The following CIITA variants were observed in gnomAD, a reference collection of about 807,000 sequenced individuals.
CIITA encodes MHC class II transactivator.
Under a neutral mutation model 115.1 loss-of-function variants are expected in CIITA, and 72 were observed. The observed-to-expected ratio is 0.63, with a 90% confidence interval of 0.52 to 0.76. The LOEUF is 0.76. Among genes scored for constraint, CIITA ranks in the 30% least tolerant of loss-of-function variants. CIITA has a pLI of 0.00. For missense variants in CIITA, 1,617 were observed against 1,463.8 expected, an observed-to-expected ratio of 1.10 and a Z score of -1.71; for synonymous variants, 763 against 635.6, an observed-to-expected ratio of 1.20 and a Z score of -3.02.
At chr16:10,894,923 G>A (rs1170600053) in intron 1 of CIITA, among the ~76,000 whole-genome samples, 1 of 152,188 alleles carries the variant, frequency 6.6e-6, no homozygotes, top group Non-Finnish European at 1.5e-5. Context: ...AGTATTAAAT[G>A]TGCCAGCTCA....
Position 10,935,896 on chromosome 16 carries a change from A to G in CIITA, c.*12041A>G, listed in dbSNP as rs1475009822. 1 of 152,222 alleles carries G rather than the reference A, an allele frequency of 6.6e-6. No individual in the cohort carries two copies. Among genetic ancestry groups the G allele is most frequent in the Non-Finnish European group, 1.5e-5 (1 of 68,052 alleles). The allele number at this position is 152,222 out of a possible 1,614,324, so 9.4% of individuals were successfully genotyped here. ...AGACTGAAGAGCTGATCCAGACTGA[A>G]GAAGGCTCGAGATTAATGCAAAAGC... On this transcript the variant is annotated 3_prime_UTR_variant, in exon 20 of 20. Coordinates refer to ENST00000324288, the MANE Select transcript of CIITA (RefSeq NM_000246.4).
rs764858917 is a variant in CIITA, at chr16:10,904,803, A to G, written c.997A>G (p.Lys333Glu). The change falls in exon 10 of 20, where the codon AAA becomes GAA. Residue 333 changes from lysine (K) to glutamate (E), a missense_variant. Lys to Glu is a moderately conservative substitution (Grantham distance 56). Transcript: ENST00000324288. Reference sequence around the variant, plus strand: ...TGGAGAGGTCTCCAACAAGCTTCCAAAATGGCCTGGTGAGTGATGCGGGAT... The same window carrying G: ...TGGAGAGGTCTCCAACAAGCTTCCAGAATGGCCTGGTGAGTGATGCGGGAT... ...AAGEVSNKLPKWPEPVEQFYR... is the reference protein window; with the variant it reads ...AAGEVSNKLPEWPEPVEQFYR... 4 of 1,614,036 alleles carry G rather than the reference A, an allele frequency of 2.5e-6. No individual in the cohort carries two copies. The African/African-American group carries it at 4.0e-5, about 16-fold the overall frequency.
chr16:10,893,316 G>A (rs560579967), intron 1 of CIITA, among the ~76,000 whole-genome samples: 14 of 152,130 alleles, frequency 9.2e-5, no homozygotes, highest in Non-Finnish European at 2.9e-5. Flanking sequence ...ATGGAAACAT[G>A]GACCTGAACC....
At chr16:10,916,493 C>T (rs374351290) in intron 15 of CIITA, 34 bp downstream of exon 15, 99 of 1,575,980 alleles carry the variant, frequency 6.3e-5, no homozygotes, top group Non-Finnish European at 7.8e-5. Context: ...CCTGCTGAAT[C>T]GGGCCCCCAA....
intron 1 of CIITA, chr16:10,866,565 C>T: frequency 1.9e-6 from 1 of 540,266 alleles, no homozygotes; most frequent in South Asian, 1.4e-5. Flanking sequence ...GCCACAGTGA[C>T]CATGGTGGTA....
rs2040718261 is a variant in CIITA, at chr16:10,930,116, T to A, written c.*6261T>A. On this transcript the variant is annotated 3_prime_UTR_variant, in exon 20 of 20. Transcript: ENST00000324288. ...TGGCACGTCCCCGTTTCCCACTGCC[T>A]TCTCTGTGTGCCTAGCCGGGTGCCA... is the stretch of plus-strand genomic sequence containing the variant. 2 of 152,494 alleles carry A rather than the reference T, an allele frequency of 1.3e-5. No individual in the cohort carries two copies. Among genetic ancestry groups the A allele is most frequent in the South Asian group, 4.1e-4 (2 of 4,824 alleles). 9.4% of individuals were successfully genotyped at this position (152,494 alleles called of 1,614,324 possible).
chr16:10,887,462 C>A (rs982617070), intron 1 of CIITA, among the ~76,000 whole-genome samples: 16 of 151,594 alleles, frequency 1.1e-4, no homozygotes, highest in Admixed American at 7.9e-4. Context: ...AGGAGAAGTT[C>A]ATGGTCAAGA....
Position 10,906,742 on chromosome 16 carries a change from C to T in CIITA, c.1250C>T (p.Ala417Val), listed in dbSNP as rs777212471. The T allele has an allele frequency of 5.0e-6, 8 of 1,610,734 alleles. No homozygotes were observed. The Admixed American group carries it at 8.3e-5, about 17-fold the overall frequency. The stretch of plus-strand genomic sequence containing the variant: ...CGGCCGCGTGAGACACGAGTGATTG[C>T]TGTGCTGGGCAAAGCTGGTCAGGGC... Reference protein sequence around the residue: ...HRRPRETRVIAVLGKAGQGKS... With the variant: ...HRRPRETRVIVVLGKAGQGKS... Residue 417 changes from alanine (A) to valine (V), a missense_variant, in exon 11 of 20, where the codon GCT becomes GTT. Transcript: ENST00000324288.
At position 10,924,359 on chromosome 16, in the gene CIITA, G is replaced by C. The variant is rs371051432; in HGVS notation, c.*504G>C. ...AGCGATTCTTCTGCTTCAGCCTCCC[G>C]AGTAGCTGGGACTACAGGCACCCAC... On this transcript the variant is annotated 3_prime_UTR_variant, in exon 20 of 20. Coordinates refer to ENST00000324288, the MANE Select transcript of CIITA (RefSeq NM_000246.4). The C allele has an allele frequency of 6.6e-6, 1 of 152,400 alleles. No homozygotes were observed. Among genetic ancestry groups the C allele is most frequent in the South Asian group, 2.1e-4 (1 of 4,826 alleles). The allele number at this position is 152,400 out of a possible 1,614,324, so 9.4% of individuals were successfully genotyped here.
rs1267670079 is a variant in CIITA at position 10,941,464 on chromosome 16, CGGA to C, written n.595_597del. 4 of 1,164,888 alleles carry C rather than the reference CGGA, an allele frequency of 3.4e-6. No individual in the cohort carries two copies. Among genetic ancestry groups the C allele is most frequent in the Admixed American group, 3.6e-5 (1 of 27,692 alleles). The allele number at this position is 1,164,888 out of a possible 1,614,324, so 72.2% of individuals were successfully genotyped here. ...TCCAGTTAGACCTGGAGGAGGTGAA[CGGA>C]GGAGAAGCCTGAGGGAGGGGTGTGT... On this transcript the variant is annotated non_coding_transcript_exon_variant, in exon 2 of 2. Coordinates refer to the CIITA transcript ENST00000573379. This position sits in a 1 kb window ranked among gnomAD's most constrained non-coding sequence, Gnocchi z 6.4.
At chr16:10,867,611 T>C (rs1410927459) in intron 1 of CIITA, among the ~76,000 whole-genome samples, 5 of 152,126 alleles carry the variant, frequency 3.3e-5, no homozygotes, top group Non-Finnish European at 5.9e-5. Flanking sequence ...GAAGGCCTTA[T>C]TTTTAAGAGC....
At chr16:10,895,571 T>C (rs756206458) in intron 2 of CIITA, 98 bp from the exon 3 acceptor site, 1 of 1,560,166 alleles carries the variant, frequency 6.4e-7, no homozygotes. Flanking sequence ...TCTCTGCAGA[T>C]GGGGATGATC....
rs1420560274 is a variant in CIITA, at chr16:10,879,650, C to A, written c.52+2268C>A. Among the ~76,000 whole-genome samples the A allele has an allele frequency of 5.3e-5, 8 of 152,088 alleles. No homozygotes were observed. Among genetic ancestry groups the A allele is most frequent in the Admixed American group, 5.2e-4 (8 of 15,274 alleles). On this transcript the variant is annotated intron_variant, in intron 1 of 19. Coordinates refer to ENST00000324288, the MANE Select transcript of CIITA (RefSeq NM_000246.4). This position sits in a 1 kb window ranked among gnomAD's most constrained non-coding sequence, Gnocchi z 4.3. ...TGTTGGGAGGGGTGGGGGAGGGATC[C>A]CCCCGGACTGAACCGATCTCTTGAT...
Position 10,923,264 on chromosome 16 carries a change from A to G in CIITA, c.3354A>G (p.Glu1118=), listed in dbSNP as rs2145172825. The G allele has an allele frequency of 6.2e-7, 1 of 1,612,848 alleles. No homozygotes were observed. The highest frequency in any genetic ancestry group is 1.1e-5 in the South Asian group (1 of 91,064). Residue 1118 remains glutamate, a synonymous_variant, in exon 19 of 20, where the codon GAA becomes GAG. Coordinates refer to ENST00000324288, the MANE Select transcript of CIITA (RefSeq NM_000246.4). This position sits in a 1 kb window ranked among gnomAD's most constrained non-coding sequence, Gnocchi z 5.2. ...CCACCATCCCATTCAGTGTCCAGGA[A>G]CACCTGCAACAACAGGATTCACGGA... The part of the protein sequence containing the change: ...WTPTIPFSVQ[E]HLQQQDSRIS...
At position 10,903,722 on chromosome 16, in the gene CIITA, C is replaced by T. The variant is rs756972663; in HGVS notation, c.773-9C>T. ...GTTATTCTCACACCACTCTCCACCC[C>T]CAATGTAGGTGAGGTGCCCCAGGCC... On this transcript the variant is annotated splice_polypyrimidine_tract_variant and intron_variant, in intron 8 of 19. Coordinates refer to ENST00000324288, the MANE Select transcript of CIITA (RefSeq NM_000246.4). The T allele has an allele frequency of 1.9e-6, 3 of 1,614,056 alleles. No individual in the cohort carries two copies. In the South Asian group the frequency reaches 3.3e-5, roughly 18 times the overall value.
intron 1 of CIITA, among the ~76,000 whole-genome samples, chr16:10,885,185 T>A (rs1272255563): frequency 6.6e-6 from 1 of 152,172 alleles, no homozygotes; most frequent in Non-Finnish European, 1.5e-5. Context: ...GCCTATCGAC[T>A]GGATTCAACT....
intron 1 of CIITA, chr16:10,888,664 G>A (rs2037206842): frequency 6.6e-6 from 1 of 152,270 alleles, no homozygotes; most frequent in South Asian, 2.1e-4. Flanking sequence ...CGAGTTGGAT[G>A]TGGAAGGTGG....
Position 10,909,074 on chromosome 16 carries a change from G to C in CIITA, c.2703G>C (p.Gln901His). Residue 901 changes from glutamine to histidine, a missense_variant, in exon 12 of 20, where the codon CAG becomes CAC. By Grantham distance (24) the Gln-to-His change is conservative. Coordinates refer to ENST00000324288, the MANE Select transcript of CIITA (RefSeq NM_000246.4). ...TGGCGCTGTGGGAGTCCCTGCAGCAGCATGGGGAGACCAAGCTACTTCAGG... is the reference window on the plus strand; with the variant it reads ...TGGCGCTGTGGGAGTCCCTGCAGCACCATGGGGAGACCAAGCTACTTCAGG... ...DTVALWESLQ[Q>H]HGETKLLQAA... 1 of 1,614,152 alleles carries C rather than the reference G, an allele frequency of 6.2e-7. No individual in the cohort carries two copies. The highest frequency in any genetic ancestry group is 8.5e-7 in the Non-Finnish European group (1 of 1,179,970).
intron 16 of CIITA, 52 bp downstream of exon 16, chr16:10,918,578 C>A (rs45558332): frequency 8.0e-6 from 12 of 1,509,250 alleles, no homozygotes; most frequent in African/African-American, 1.4e-5. Flanking sequence ...GGCTGCAGAG[C>A]GCAGGGAACC....
Sources: allele counts gnomAD v4.1 joint callset (sites outside exome capture counted in the v4.1 genomes callset), GRCh38; gene constraint gnomAD v4.1.1; non-coding constraint Gnocchi (gnomAD v3.1); transcripts MANE v1.5; gene names NCBI Gene and HGNC (gene_info 2026-07-23, HGNC 2026-07-21).